Variants in CNTN3 observed in about 807,000 individuals in gnomAD.
The protein encoded by CNTN3 is contactin 3, also known as contactin-3.
Under a neutral mutation model 119.1 loss-of-function variants are expected in CNTN3, and 60 were observed. That is an observed-to-expected ratio of 0.50 (90% CI 0.41 to 0.62). The LOEUF (loss-of-function observed/expected upper bound fraction) is 0.62, where lower values mean the gene tolerates loss of function less well. Among genes scored for constraint, CNTN3 ranks in the 20% least tolerant of loss-of-function variants. CNTN3 has a pLI of 0.00. For synonymous variants in CNTN3, 450 were observed against 438.7 expected (o/e 1.03, Z -0.32); for missense variants, 1,101 against 1,242.4 (o/e 0.89, Z 1.71).
At position 74,592,261 on chromosome 3, in the gene CNTN3, AGAG is replaced by A. The variant is rs537517171; in HGVS notation, c.-81+22127_-81+22129del. Among the ~76,000 whole-genome samples the A allele has an allele frequency of 2.7e-4, 41 of 151,958 alleles. No individual in the cohort carries two copies. The South Asian group carries it at 3.1e-3, about 12-fold the overall frequency. On this transcript the variant is annotated intron_variant, in intron 1 of 22. Transcript: ENST00000263665. ...GGCAGACTGGAAGATGATCAATGAG[AGAG>A]GAGAAGAAATGCAGGGGGCAGGAGC...
At position 74,349,120 on chromosome 3, in the gene CNTN3, T is replaced by C. The variant is rs968909689; in HGVS notation, c.1365-12462A>G. 2.6e-5 allele frequency among the ~76,000 whole-genome samples: 4 copies of C among 151,852 alleles called. No individual in the cohort carries two copies. The East Asian group carries it at 7.7e-4, about 29-fold the overall frequency. ...AAAAAAAAGTTTTAGAGTGATTTGT[T>C]ATGCAGCAAAAGTTAATGGGAACAG... On this transcript the variant is annotated intron_variant, in intron 11 of 22. Coordinates refer to ENST00000263665, the MANE Select transcript of CNTN3 (RefSeq NM_020872.3).
intron 18 of CNTN3, among the ~76,000 whole-genome samples, chr3:74,296,343 A>T (rs1333102639): frequency 6.6e-6 from 1 of 152,192 alleles, no homozygotes; most frequent in Non-Finnish European, 1.5e-5. Flanking sequence ...CTGGATGCAC[A>T]GGTAAACAGT....
intron 1 of CNTN3, among the ~76,000 whole-genome samples, chr3:74,596,108 A>G (rs1222450149): frequency 6.6e-6 from 1 of 152,140 alleles, no homozygotes; most frequent in African/African-American, 2.4e-5. Flanking sequence ...AGAATAAAAT[A>G]CTTAGGAATC....
At chr3:74,353,628 C>A (rs1486015977) in intron 11 of CNTN3, among the ~76,000 whole-genome samples, 1 of 151,896 alleles carries the variant, frequency 6.6e-6, no homozygotes, top group African/African-American at 2.4e-5. Context: ...TGGTGGCAGG[C>A]GCCTGTAGTC....
intron 1 of CNTN3, among the ~76,000 whole-genome samples, chr3:74,570,162 A>T (rs1379537580): frequency 6.6e-6 from 1 of 151,990 alleles, no homozygotes; most frequent in Non-Finnish European, 1.5e-5. Context: ...GATATCATGG[A>T]GTATCATGGA....
chr3:74,610,058 C>T (rs1705054919), intron 1 of CNTN3, among the ~76,000 whole-genome samples: 1 of 152,072 alleles, frequency 6.6e-6, no homozygotes, highest in Admixed American at 6.6e-5. Context: ...CTCAGCGGCT[C>T]ACACCTATAA....
At chr3:74,384,773 CCT>C (rs1370512863) in intron 5 of CNTN3, among the ~76,000 whole-genome samples, 1 of 152,098 alleles carries the variant, frequency 6.6e-6, no homozygotes, top group Non-Finnish European at 1.5e-5. Context: ...GGACTTGAGT[CCT>C]CTGTTTCTAG....
chr3:74,433,247 C>T (rs971582133), intron 4 of CNTN3, among the ~76,000 whole-genome samples: 3 of 152,118 alleles, frequency 2.0e-5, no homozygotes, highest in Non-Finnish European at 4.4e-5. Flanking sequence ...AGCAACAACT[C>T]CCTCATCTCC....
In CNTN3 at chr3:74,562,296, C is replaced by T. The variant is rs117009349; in HGVS notation, c.-80-41104G>A. On this transcript the variant is annotated intron_variant, in intron 1 of 22. Coordinates refer to ENST00000263665, the MANE Select transcript of CNTN3 (RefSeq NM_020872.3). ...AGAATTAGGACCTGCTTTCATTGCA[C>T]TGGTGTTATTTTCATAATTTCCCAA... Among the ~76,000 whole-genome samples, 39 of 152,292 alleles carry T rather than the reference C, an allele frequency of 2.6e-4. No homozygotes were observed. In the East Asian group the frequency reaches 7.2e-3, roughly 28 times the overall value.
rs1478665983 is a variant in CNTN3, at chr3:74,398,370, T to G, written c.454+26475A>C. Among the ~76,000 whole-genome samples the G allele has an allele frequency of 2.0e-5, 3 of 152,236 alleles. No individual in the cohort carries two copies. The East Asian group carries it at 5.8e-4, about 29-fold the overall frequency. ...CAAGACCCTCTACTAGCAAAAAGTTTACAACTTGCTGAAAGCTCAGATGAT... is the reference window on the plus strand; with the variant it reads ...CAAGACCCTCTACTAGCAAAAAGTTGACAACTTGCTGAAAGCTCAGATGAT... On this transcript the variant is annotated intron_variant, in intron 5 of 22. Transcript: ENST00000263665.
intron 11 of CNTN3, among the ~76,000 whole-genome samples, chr3:74,358,700 G>A (rs1471911989): frequency 4.0e-5 from 6 of 150,102 alleles, no homozygotes; most frequent in South Asian, 2.1e-4. Flanking sequence ...ATGCTGGTGC[G>A]CTGCACCCAC....
intron 1 of CNTN3, among the ~76,000 whole-genome samples, chr3:74,588,392 G>T (rs951744155): frequency 4.6e-5 from 7 of 151,912 alleles, no homozygotes; most frequent in East Asian, 1.9e-4. Context: ...GGAATCCAAC[G>T]TACAAGGGAC....
At chr3:74,482,530 G>A (rs1464520357) in intron 4 of CNTN3, among the ~76,000 whole-genome samples, 2 of 151,864 alleles carry the variant, frequency 1.3e-5, no homozygotes, top group African/African-American at 2.4e-5. Flanking sequence ...CAAGCCACTC[G>A]AACATTAAGA....
At chr3:74,559,216 C>T (rs762797168) in intron 1 of CNTN3, among the ~76,000 whole-genome samples, 1 of 152,010 alleles carries the variant, frequency 6.6e-6, no homozygotes, top group African/African-American at 2.4e-5. Flanking sequence ...TCCCTTTTCT[C>T]AACAGCAAAA....
At chr3:74,563,516 ACAGC>A (rs1192746039) in intron 1 of CNTN3, among the ~76,000 whole-genome samples, 2 of 152,120 alleles carry the variant, frequency 1.3e-5, no homozygotes, top group Non-Finnish European at 2.9e-5. Flanking sequence ...TTCTATCTAG[ACAGC>A]CAGTAAGTTC....
chr3:74,274,743 G>T, intron 20 of CNTN3, among the ~76,000 whole-genome samples: 1 of 152,038 alleles, frequency 6.6e-6, no homozygotes, highest in Non-Finnish European at 1.5e-5. Flanking sequence ...ACAAAACAAG[G>T]CTCTTTAACA....
rs1166615811 is a variant in CNTN3, at chr3:74,424,841, T to A, written c.454+4A>T. Reference sequence around the variant, plus strand: ...ATGAAAAGCAGAAACAGAGCATGACTTACCTCCAGAGTGTGGTGGGGGGCC... The same window carrying A: ...ATGAAAAGCAGAAACAGAGCATGACATACCTCCAGAGTGTGGTGGGGGGCC... On this transcript the variant is annotated splice_donor_region_variant and intron_variant, in intron 5 of 22. Coordinates refer to ENST00000263665, the MANE Select transcript of CNTN3 (RefSeq NM_020872.3). The A allele has an allele frequency of 6.2e-7, 1 of 1,612,722 alleles. No individual in the cohort carries two copies. Among genetic ancestry groups the A allele is most frequent in the South Asian group, 1.1e-5 (1 of 91,004 alleles).
At chr3:74,291,822 C>G (rs554571806) in intron 19 of CNTN3, among the ~76,000 whole-genome samples, 6 of 152,098 alleles carry the variant, frequency 3.9e-5, no homozygotes, top group Non-Finnish European at 7.4e-5. Flanking sequence ...TTGATTTGAG[C>G]CCTTTAATTC....
chr3:74,492,380 C>T (rs914870427), intron 3 of CNTN3, among the ~76,000 whole-genome samples: 1 of 151,978 alleles, frequency 6.6e-6, no homozygotes, highest in African/African-American at 2.4e-5. Context: ...TTGATCAATC[C>T]CCTTCTTTTA....
Sources: allele counts gnomAD v4.1 joint callset (sites outside exome capture counted in the v4.1 genomes callset), GRCh38; gene constraint gnomAD v4.1.1; transcripts MANE v1.5; gene names NCBI Gene and HGNC (gene_info 2026-07-23, HGNC 2026-07-21).